The following PDLIM2 variants were observed in gnomAD, a reference collection of about 807,000 sequenced individuals.
PDLIM2 encodes PDZ and LIM domain protein 2.
In PDLIM2, 51 loss-of-function variants were observed where a neutral mutation model predicts 54.1. That is an observed-to-expected ratio of 0.94 (90% CI 0.75 to 1.19). PDLIM2 has a LOEUF of 1.19. Ranked by LOEUF, PDLIM2 falls within the 50% of genes most tolerant of loss-of-function variation. PDLIM2 has a pLI of 0.00. For missense variants in PDLIM2, 912 were observed against 874.0 expected (o/e 1.04, Z -0.55); for synonymous variants, 398 against 385.6 (o/e 1.03, Z -0.38).
intron 6 of PDLIM2, among the ~76,000 whole-genome samples, chr8:22,586,018 G>T (rs1005523692): frequency 5.9e-5 from 9 of 152,138 alleles, no homozygotes; most frequent in African/African-American, 2.2e-4. Flanking sequence ...CTTCAACGGT[G>T]GGGGATGGTG....
At chr8:22,579,733 C>A in intron 1 of PDLIM2, 1 of 507,504 alleles carries the variant, frequency 2.0e-6, no homozygotes, top group Non-Finnish European at 3.2e-6. Flanking sequence ...CCCAGCCTGG[C>A]ACCGCGGCTT....
intron 3 of PDLIM2, among the ~76,000 whole-genome samples, chr8:22,582,085 G>T (rs957132430): frequency 8.5e-5 from 13 of 152,230 alleles, no homozygotes; most frequent in Admixed American, 5.9e-4. Context: ...GGCCAGGGTG[G>T]GGCCTGGAGG....
chr8:22,591,227 T>G (rs1456320014), intron 8 of PDLIM2: 1 of 360,082 alleles, frequency 2.8e-6, no homozygotes, highest in Non-Finnish European at 5.2e-6. Context: ...GCGCTCCTGT[T>G]GCCATCTCCA....
chr8:22,578,813 A>C, exon 1 of PDLIM2: 1 of 1,233,996 alleles, frequency 8.1e-7, no homozygotes, highest in Non-Finnish European at 1.0e-6. Flanking sequence ...GGCGTGGGAG[A>C]GCTTTATGGG....
rs777996323 is a variant in PDLIM2, at chr8:22,589,592, G to A, written c.1368-4G>A. 15 of 1,601,208 alleles carry A rather than the reference G, an allele frequency of 9.4e-6. No individual in the cohort carries two copies. The African/African-American group carries it at 1.9e-4, about 20-fold the overall frequency. The stretch of plus-strand genomic sequence containing the variant: ...CTCATTCCTGGCTGCCTCCCACCCT[G>A]CAGCATGGACTCGGAAGGGGGAAGC... On this transcript the variant is annotated splice_region_variant and splice_polypyrimidine_tract_variant and intron_variant, in intron 7 of 9. Transcript: ENST00000308354.
chr8:22,581,231 C>G, intron 2 of PDLIM2, 148 bp from the exon 2 acceptor site: 2 of 1,014,472 alleles, frequency 2.0e-6, no homozygotes, highest in Non-Finnish European at 2.9e-6. Context: ...GGCTGATCAG[C>G]TGGGTGTCAT....
intron 2 of PDLIM2, 109 bp downstream of exon 1, chr8:22,580,806 T>G: frequency 8.4e-7 from 1 of 1,190,184 alleles, no homozygotes; most frequent in Non-Finnish European, 1.2e-6. Context: ...GAGCTAGGGA[T>G]CTGCTGCTGC....
intron 3 of PDLIM2, among the ~76,000 whole-genome samples, chr8:22,582,822 C>A (rs1252301869): frequency 6.6e-6 from 1 of 151,850 alleles, no homozygotes; most frequent in Non-Finnish European, 1.5e-5. Context: ...CCTCGTGATC[C>A]ACTTGCCTCA....
At chr8:22,581,597 C>T in intron 3 of PDLIM2, 67 bp downstream of exon 2, 3 of 1,494,364 alleles carry the variant, frequency 2.0e-6, no homozygotes, top group East Asian at 2.3e-5. Flanking sequence ...TATTGAGCAG[C>T]CCTTGCTCCT....
chr8:22,581,952 C>G (rs1800216503), intron 3 of PDLIM2, among the ~76,000 whole-genome samples: 2 of 152,252 alleles, frequency 1.3e-5, no homozygotes, highest in Non-Finnish European at 1.5e-5. Context: ...GTTTAGTTCC[C>G]AGCTGGAAGT....
At chr8:22,593,666 C>A (rs927957564) in intron 9 of PDLIM2, 67 bp from the exon 9 acceptor site, 3 of 1,446,394 alleles carry the variant, frequency 2.1e-6, no homozygotes, top group East Asian at 2.5e-5. Flanking sequence ...GGGACCAGGC[C>A]CCCTGGGCAT....
intron 3 of PDLIM2, among the ~76,000 whole-genome samples, chr8:22,582,869 C>T (rs1007912979): frequency 1.3e-5 from 2 of 151,494 alleles, no homozygotes; most frequent in African/African-American, 2.4e-5. Flanking sequence ...TATTACACCG[C>T]GCCCGGCCCA....
At position 22,580,876 on chromosome 8, in the gene PDLIM2, C is replaced by T. The variant is rs1230484065; in HGVS notation, c.843+179C>T. The T allele has an allele frequency of 7.9e-6, 6 of 758,330 alleles. No homozygotes were observed. In the East Asian group the frequency reaches 1.6e-4, roughly 21 times the overall value. 47.0% of individuals were successfully genotyped at this position (758,330 alleles called of 1,614,324 possible). A position where few individuals can be genotyped will look rare whatever the true frequency, so the allele number is the denominator to read the frequency against. On this transcript the variant is annotated intron_variant, in intron 2 of 9. Coordinates refer to ENST00000308354, the Ensembl canonical transcript of PDLIM2. ...TGCCACGGGGATGTGGTGGCCACTT[C>T]AGGAACAGACCTTGGGAGTGAAAGG...
At chr8:22,589,799 G>T in intron 8 of PDLIM2, 58 bp downstream of exon 7, 1 of 1,544,964 alleles carries the variant, frequency 6.5e-7, no homozygotes, top group Non-Finnish European at 8.7e-7. Flanking sequence ...CCCGGGCCCT[G>T]ACTGGATGGG....
chr8:22,589,997 G>C, intron 8 of PDLIM2: 1 of 510,374 alleles, frequency 2.0e-6, no homozygotes, highest in South Asian at 2.5e-5. Context: ...AGTGTCATTC[G>C]AGTGATAAAA....
exon 1 of PDLIM2, chr8:22,579,434 A>G (rs1387704774): frequency 2.1e-5 from 32 of 1,516,652 alleles, no homozygotes; most frequent in Non-Finnish European, 2.5e-5. Context: ...TTGCCCTCGG[A>G]GCGAAGGAGG....
chr8:22,584,970 T>C, intron 4 of PDLIM2, 47 bp from the exon 4 acceptor site: 1 of 1,613,418 alleles, frequency 6.2e-7, no homozygotes, highest in Non-Finnish European at 8.5e-7. Flanking sequence ...CAGGGCGGCC[T>C]TGGCGGGGCA....
exon 1 of PDLIM2, chr8:22,579,170 G>T: frequency 7.4e-7 from 1 of 1,356,412 alleles, no homozygotes; most frequent in South Asian, 1.8e-5. Flanking sequence ...GCGTCTCCCC[G>T]CCTTCCCTCC....
At chr8:22,594,461 G>A (rs1800639534), downstream of PDLIM2, 1 of 1,610,512 alleles carries the variant, frequency 6.2e-7, no homozygotes, top group Non-Finnish European at 8.5e-7. Context: ...CCCATGGAAG[G>A]GCCTTGCCTC....
Sources: allele counts gnomAD v4.1 joint callset (sites outside exome capture counted in the v4.1 genomes callset), GRCh38; gene constraint gnomAD v4.1.1; transcripts MANE v1.5; gene names NCBI Gene and HGNC (gene_info 2026-07-23, HGNC 2026-07-21).